Variants in BCKDHB observed in about 807,000 individuals in gnomAD.
BCKDHB encodes 2-oxoisovalerate dehydrogenase subunit beta, mitochondrial.
In BCKDHB, 41 loss-of-function variants were observed where a neutral mutation model predicts 48.5. That is an observed-to-expected ratio of 0.85 (90% CI 0.66 to 1.10). The LOEUF (loss-of-function observed/expected upper bound fraction) is 1.10, where lower values mean the gene tolerates loss of function less well. Among genes scored for constraint, BCKDHB ranks in the 50% least tolerant of loss-of-function variants. BCKDHB has a pLI of 0.00. For missense variants in BCKDHB, 496 were observed against 494.2 expected (o/e 1.00, Z -0.03); for synonymous variants, 201 against 174.8 (o/e 1.15, Z -1.18).
At chr6:80,202,315 C>A (rs1362743438) in intron 7 of BCKDHB, among the ~76,000 whole-genome samples, 1 of 152,126 alleles carries the variant, frequency 6.6e-6, no homozygotes, top group African/African-American at 2.4e-5. Context: ...CTCTCTCCTG[C>A]ATCTTCAGTT....
At chr6:80,373,901 T>C in the BCKDHB span, 3 of 404,310 alleles carry the variant, frequency 7.4e-6, no homozygotes, top group South Asian at 2.1e-5. Flanking sequence ...TGAATCCTTA[T>C]GTGTCAGGTG....
At chr6:80,189,037 A>G (rs1773776737) in intron 6 of BCKDHB, among the ~76,000 whole-genome samples, 2 of 152,358 alleles carry the variant, frequency 1.3e-5, no homozygotes, top group Non-Finnish European at 2.9e-5. Context: ...AAATCAAGCC[A>G]TAATCTTCCA....
At chr6:80,317,491 C>T (rs982256403) in intron 9 of BCKDHB, among the ~76,000 whole-genome samples, 7 of 152,290 alleles carry the variant, frequency 4.6e-5, no homozygotes, top group East Asian at 1.9e-4. Flanking sequence ...TCGCGCATCT[C>T]GCTGACCCTT....
chr6:80,279,056 G>T (rs956514087), intron 9 of BCKDHB, among the ~76,000 whole-genome samples: 44 of 152,264 alleles, frequency 2.9e-4, no homozygotes, highest in South Asian at 2.1e-4. Context: ...CTAGTTTATG[G>T]AAATCAGCTT....
At chr6:80,320,814 T>C (rs1352960290) in intron 9 of BCKDHB, among the ~76,000 whole-genome samples, 1 of 152,198 alleles carries the variant, frequency 6.6e-6, no homozygotes, top group Non-Finnish European at 1.5e-5. Flanking sequence ...GCAAATATTT[T>C]CTTATGTCAC....
At chr6:80,294,364 CAT>C (rs1210722977) in intron 9 of BCKDHB, among the ~76,000 whole-genome samples, 3 of 152,242 alleles carry the variant, frequency 2.0e-5, no homozygotes, top group South Asian at 2.1e-4. Flanking sequence ...GATTGTAAAA[CAT>C]GTGTTTGAAC....
At chr6:80,283,912 G>T (rs1766496700) in intron 9 of BCKDHB, among the ~76,000 whole-genome samples, 2 of 152,042 alleles carry the variant, frequency 1.3e-5, no homozygotes, top group Non-Finnish European at 2.9e-5. Flanking sequence ...TGGCCACCTT[G>T]TACAACATTT....
At chr6:80,262,881 A>G (rs1777362193) in intron 8 of BCKDHB, among the ~76,000 whole-genome samples, 2 of 152,330 alleles carry the variant, frequency 1.3e-5, no homozygotes, top group Admixed American at 1.3e-4. Context: ...TTCTTCTGGT[A>G]TAATAGACAG....
intron 9 of BCKDHB, among the ~76,000 whole-genome samples, chr6:80,328,953 G>A (rs1263085635): frequency 6.6e-6 from 1 of 152,090 alleles, no homozygotes; most frequent in Non-Finnish European, 1.5e-5. Flanking sequence ...TTGCTAGGTT[G>A]CTCAATTTTG....
At chr6:80,269,279 G>A (rs1777635472) in intron 8 of BCKDHB, among the ~76,000 whole-genome samples, 1 of 152,134 alleles carries the variant, frequency 6.6e-6, no homozygotes, top group Admixed American at 6.5e-5. Flanking sequence ...AATGCCGTGT[G>A]TACGGAGCTG....
the BCKDHB span, among the ~76,000 whole-genome samples, chr6:80,366,966 AC>A: frequency 3.9e-5 from 6 of 152,272 alleles, no homozygotes; most frequent in Non-Finnish European, 7.4e-5. Flanking sequence ...CTTGCTGCTA[AC>A]CCCCAGCCCA....
intron 8 of BCKDHB, among the ~76,000 whole-genome samples, chr6:80,268,421 C>T (rs1239616132): frequency 2.0e-5 from 3 of 151,952 alleles, no homozygotes; most frequent in African/African-American, 7.2e-5. Flanking sequence ...TGATACAGAC[C>T]AGCTTTGGTG....
the BCKDHB span, among the ~76,000 whole-genome samples, chr6:80,440,276 G>A: frequency 2.6e-4 from 39 of 152,230 alleles, no homozygotes; most frequent in African/African-American, 8.4e-4. Flanking sequence ...CTGTGTAAAA[G>A]GTAATACAAT....
the BCKDHB span, among the ~76,000 whole-genome samples, chr6:80,385,322 GACCTGC>G: frequency 6.6e-6 from 1 of 152,176 alleles, no homozygotes; most frequent in Non-Finnish European, 1.5e-5. Context: ...GTGAGTGGCT[GACCTGC>G]AACTAAAGGT....
At chr6:80,454,151 A>G in the BCKDHB span, 2 of 152,238 alleles carry the variant, frequency 1.3e-5, no homozygotes, top group Admixed American at 1.3e-4. Context: ...GGAGTCCCAG[A>G]GGCCAACACT....
intron 8 of BCKDHB, among the ~76,000 whole-genome samples, chr6:80,227,462 CTA>C (rs1247929253): frequency 6.6e-6 from 1 of 151,980 alleles, no homozygotes; most frequent in Admixed American, 6.6e-5. Context: ...TTTAATTTTG[CTA>C]TGTTTTAAAA....
intron 9 of BCKDHB, among the ~76,000 whole-genome samples, chr6:80,277,959 G>A (rs1282154397): frequency 2.0e-5 from 3 of 152,080 alleles, no homozygotes; most frequent in Admixed American, 1.3e-4. Context: ...AGTTTATGGA[G>A]AAGGATTTTT....
intron 8 of BCKDHB, among the ~76,000 whole-genome samples, chr6:80,254,681 CAG>C (rs1776975521): frequency 6.6e-6 from 1 of 152,138 alleles, no homozygotes; most frequent in Non-Finnish European, 1.5e-5. Context: ...GGCAGACTGA[CAG>C]AGTAAAATCC....
the BCKDHB span, among the ~76,000 whole-genome samples, chr6:80,376,527 G>A: frequency 1.3e-5 from 2 of 152,204 alleles, no homozygotes; most frequent in African/African-American, 4.8e-5. Flanking sequence ...CAAAGGGTCT[G>A]TGAATTCTCT....
Sources: allele counts gnomAD v4.1 joint callset (sites outside exome capture counted in the v4.1 genomes callset), GRCh38; gene constraint gnomAD v4.1.1; transcripts MANE v1.5; gene names NCBI Gene and HGNC (gene_info 2026-07-23, HGNC 2026-07-21).